CADM2: variants seen among roughly 807,000 people sequenced by gnomAD.
CADM2 encodes the protein immunoglobulin superfamily member 4D.
Under a neutral mutation model 49.8 loss-of-function variants are expected in CADM2, and 12 were observed. That is an observed-to-expected ratio of 0.24 (90% confidence interval 0.15 to 0.39). The LOEUF (loss-of-function observed/expected upper bound fraction) is 0.39. Among genes scored for constraint, CADM2 ranks in the 10% least tolerant of loss-of-function variants. CADM2 has a pLI of 1.00. For synonymous variants in CADM2, 214 were observed against 175.4 expected (o/e 1.22, Z -1.74); for missense variants, 378 against 492.3 (o/e 0.77, Z 2.20).
chr3:85,374,638 T>C (rs1167068565), intron 1 of CADM2, among the ~76,000 whole-genome samples: 1 of 152,198 alleles, frequency 6.6e-6, no homozygotes, highest in Non-Finnish European at 1.5e-5. Context: ...AGAGGTTTAA[T>C]GGACTCACAG....
intron 1 of CADM2, among the ~76,000 whole-genome samples, chr3:85,674,153 T>TA (rs923689620): frequency 3.3e-5 from 5 of 151,716 alleles, no homozygotes; most frequent in Admixed American, 1.3e-4. Flanking sequence ...AGATATTAGT[T>TA]AAAAAAAATG....
intron 1 of CADM2, 34 bp from the exon 2 acceptor site, chr3:85,726,488 G>T: frequency 6.2e-7 from 1 of 1,610,432 alleles, no homozygotes; most frequent in Non-Finnish European, 8.5e-7. Context: ...TAATATGTTT[G>T]TTCTCTTCTT....
At chr3:85,998,372 G>A (rs965327163) in intron 8 of CADM2, among the ~76,000 whole-genome samples, 57 of 151,976 alleles carry the variant, frequency 3.8e-4, no homozygotes, top group African/African-American at 1.3e-3. Flanking sequence ...GGAATAATAC[G>A]GCTTTCCTTG....
Position 85,034,334 on chromosome 3 carries a change from C to T in CADM2, c.61+74666C>T, listed in dbSNP as rs145003384. Among the ~76,000 whole-genome samples the T allele has an allele frequency of 2.8e-3, 427 of 152,026 alleles. 1 individual carries two copies. Among genetic ancestry groups the T allele is most frequent in the Admixed American group, 5.8e-3 (89 of 15,270 alleles). Reference sequence around the variant, plus strand: ...GTTCAGTTGTTTTCATTTTTAGCTCCCCAAAGTATGTGAGAACATGGGACC... The same window carrying T: ...GTTCAGTTGTTTTCATTTTTAGCTCTCCAAAGTATGTGAGAACATGGGACC... On this transcript the variant is annotated intron_variant, in intron 1 of 9. Transcript: ENST00000383699.
At chr3:85,562,211 A>G (rs2062113931) in intron 1 of CADM2, among the ~76,000 whole-genome samples, 1 of 152,056 alleles carries the variant, frequency 6.6e-6, no homozygotes, top group South Asian at 2.1e-4. Context: ...AGATAAGAGT[A>G]CTTCACTCAT....
chr3:86,042,291 C>G (rs1736046439), intron 8 of CADM2, among the ~76,000 whole-genome samples: 1 of 152,030 alleles, frequency 6.6e-6, no homozygotes, highest in South Asian at 2.1e-4. Flanking sequence ...AATCCAGGAG[C>G]TGGTTTTTTG....
At chr3:85,079,209 G>A (rs995911298) in intron 1 of CADM2, among the ~76,000 whole-genome samples, 3 of 151,636 alleles carry the variant, frequency 2.0e-5, no homozygotes, top group African/African-American at 4.8e-5. Flanking sequence ...CATTCATAAT[G>A]TAATAATTGA....
At chr3:85,512,792 T>G in intron 1 of CADM2, among the ~76,000 whole-genome samples, 1 of 151,452 alleles carries the variant, frequency 6.6e-6, no homozygotes, top group South Asian at 2.1e-4. Context: ...TGAGGACTAT[T>G]AATAAATATT....
At chr3:85,935,179 G>A (rs956270624) in intron 6 of CADM2, among the ~76,000 whole-genome samples, 1 of 152,164 alleles carries the variant, frequency 6.6e-6, no homozygotes. Flanking sequence ...TATAACAAAT[G>A]TTAACTTTTA....
intron 1 of CADM2, among the ~76,000 whole-genome samples, chr3:85,285,667 A>T (rs373922114): frequency 3.9e-5 from 6 of 152,108 alleles, no homozygotes; most frequent in African/African-American, 1.4e-4. Context: ...CAAAAAGGAC[A>T]GAATTTAAGT....
intron 1 of CADM2, among the ~76,000 whole-genome samples, chr3:85,195,521 G>A (rs1384307664): frequency 6.8e-6 from 1 of 148,010 alleles, no homozygotes; most frequent in Non-Finnish European, 1.5e-5. Flanking sequence ...GACAATATGT[G>A]TAAACCATGA....
chr3:85,391,770 G>A (rs2107398918), intron 1 of CADM2, among the ~76,000 whole-genome samples: 1 of 152,190 alleles, frequency 6.6e-6, no homozygotes, highest in African/African-American at 2.4e-5. Flanking sequence ...TACTCAGACG[G>A]TTTAGAACCT....
intron 1 of CADM2, among the ~76,000 whole-genome samples, chr3:85,219,950 T>C (rs2042010271): frequency 6.6e-6 from 1 of 152,248 alleles, no homozygotes; most frequent in South Asian, 2.1e-4. Context: ...AATAAGTAAG[T>C]ATGCATATGA....
At chr3:85,453,383 T>A (rs2037840686) in intron 1 of CADM2, among the ~76,000 whole-genome samples, 1 of 152,122 alleles carries the variant, frequency 6.6e-6, no homozygotes, top group Non-Finnish European at 1.5e-5. Context: ...AATAGAACTT[T>A]TGAAATTAGC....
intron 2 of CADM2, among the ~76,000 whole-genome samples, chr3:85,775,181 A>G (rs1332288539): frequency 6.6e-6 from 1 of 151,450 alleles, no homozygotes; most frequent in East Asian, 1.9e-4. Flanking sequence ...TGTGTAGAGC[A>G]GTAAGGATTT....
At chr3:85,542,225 T>A (rs753667127) in intron 1 of CADM2, among the ~76,000 whole-genome samples, 1 of 152,080 alleles carries the variant, frequency 6.6e-6, no homozygotes, top group Non-Finnish European at 1.5e-5. Flanking sequence ...GCTCTCTCGG[T>A]CCCTCAAAGA....
intron 1 of CADM2, among the ~76,000 whole-genome samples, chr3:85,235,140 C>T (rs972008658): frequency 3.9e-5 from 6 of 151,916 alleles, no homozygotes; most frequent in African/African-American, 9.7e-5. Context: ...AATCTCTAAA[C>T]GGAAAAAAAT....
chr3:85,387,486 T>C (rs1451684824), intron 1 of CADM2, among the ~76,000 whole-genome samples: 2 of 152,158 alleles, frequency 1.3e-5, no homozygotes, highest in African/African-American at 4.8e-5. Flanking sequence ...GTGGCAAATA[T>C]GTATTGATGT....
chr3:85,606,916 T>G (rs2107430078), intron 1 of CADM2, among the ~76,000 whole-genome samples: 1 of 152,246 alleles, frequency 6.6e-6, no homozygotes, highest in South Asian at 2.1e-4. Context: ...ATTTTCAAAT[T>G]ATTAGCAGTG....
Sources: allele counts gnomAD v4.1 joint callset (sites outside exome capture counted in the v4.1 genomes callset), GRCh38; gene constraint gnomAD v4.1.1; transcripts MANE v1.5; gene names NCBI Gene and HGNC (gene_info 2026-07-23, HGNC 2026-07-21).